The following TRAK2 variants were observed in gnomAD, a reference collection of about 807,000 sequenced individuals.
The protein encoded by TRAK2 is trafficking kinesin-binding protein 2.
TRAK2 carries 81 observed loss-of-function variants against 104.6 expected under a neutral mutation model. That is an observed-to-expected ratio of 0.77 (90% confidence interval 0.65 to 0.93). The LOEUF (loss-of-function observed/expected upper bound fraction) is 0.93. TRAK2 is among the 40% of genes least tolerant of loss of function. TRAK2 has a pLI of 0.00. For missense variants in TRAK2, 1,002 were observed against 1,089.0 expected (o/e 0.92, Z 1.12); for synonymous variants, 406 against 394.4 (o/e 1.03, Z -0.35).
chr2:201,399,538 T>C (rs752885810), intron 4 of TRAK2, 45 bp from the exon 5 acceptor site: 8 of 1,447,552 alleles, frequency 5.5e-6, no homozygotes, highest in Middle Eastern at 1.8e-4. Flanking sequence ...ATAAACAAGG[T>C]TAAATGGCAG....
intron 1 of TRAK2, among the ~76,000 whole-genome samples, chr2:201,436,976 GT>G (rs1951883808): frequency 6.6e-6 from 1 of 152,156 alleles, no homozygotes; most frequent in Non-Finnish European, 1.5e-5. Context: ...TTTTAGTAAT[GT>G]AATTCTACTA....
At chr2:201,427,458 G>T (rs1951799873) in intron 1 of TRAK2, among the ~76,000 whole-genome samples, 1 of 152,104 alleles carries the variant, frequency 6.6e-6, no homozygotes, top group South Asian at 2.1e-4. Flanking sequence ...TGCTCACAAT[G>T]ATGGTTTCCA....
At chr2:201,416,596 T>C (rs1225488563) in intron 2 of TRAK2, among the ~76,000 whole-genome samples, 3 of 152,156 alleles carry the variant, frequency 2.0e-5, no homozygotes, top group Non-Finnish European at 2.9e-5. Context: ...TCATAATTTA[T>C]TTAATTCATA....
At chr2:201,424,031 C>T (rs1207081735) in intron 1 of TRAK2, among the ~76,000 whole-genome samples, 6 of 152,162 alleles carry the variant, frequency 3.9e-5, no homozygotes, top group Non-Finnish European at 7.3e-5. Context: ...CAGGAAAAGT[C>T]CATTGTATGC....
At chr2:201,422,883 G>A (rs1951754288) in intron 1 of TRAK2, among the ~76,000 whole-genome samples, 1 of 152,084 alleles carries the variant, frequency 6.6e-6, no homozygotes, top group African/African-American at 2.4e-5. Context: ...CACTTCTGTG[G>A]TTATTGGCAT....
At position 201,447,700 on chromosome 2, in the gene TRAK2, C is replaced by T. The variant is rs1951974866; in HGVS notation, c.-200+3650G>A. 3.3e-5 allele frequency among the ~76,000 whole-genome samples: 5 copies of T among 152,290 alleles called. No homozygotes were observed. Among genetic ancestry groups the T allele is most frequent in the Middle Eastern group, 3.4e-3 (1 of 294 alleles). On this transcript the variant is annotated intron_variant, in intron 1 of 15. Coordinates refer to ENST00000332624, the MANE Select transcript of TRAK2 (RefSeq NM_015049.3). The surrounding 1 kb of genome is among the most constrained non-coding windows in gnomAD (Gnocchi z 4.1). ...TCATCTGAACTTAATCACCCCAAAGCCCTGTCTCCAAATACAGTCACATTC... is the reference window on the plus strand; with the variant it reads ...TCATCTGAACTTAATCACCCCAAAGTCCTGTCTCCAAATACAGTCACATTC...
chr2:201,385,122 TGAAA>T (rs1255836002), intron 14 of TRAK2, among the ~76,000 whole-genome samples: 1 of 152,198 alleles, frequency 6.6e-6, no homozygotes, highest in Non-Finnish European at 1.5e-5. Context: ...TATCCACCAC[TGAAA>T]GCATGAACAT....
chr2:201,407,182 C>T (rs1951601602), intron 3 of TRAK2, among the ~76,000 whole-genome samples: 1 of 152,182 alleles, frequency 6.6e-6, no homozygotes, highest in African/African-American at 2.4e-5. Flanking sequence ...ACGAAAACGT[C>T]TAAGTATGTT....
Position 201,420,625 on chromosome 2 carries a change from G to C in TRAK2, c.-118C>G. On this transcript the variant is annotated 5_prime_UTR_variant, in exon 2 of 16. Transcript: ENST00000332624. ...TTGGTCACATGGATATTTTCTTTTAGACAGATTTTCTCTGATGAGTCAAAT... is the reference window on the plus strand; with the variant it reads ...TTGGTCACATGGATATTTTCTTTTACACAGATTTTCTCTGATGAGTCAAAT... 1 of 819,764 alleles carries C rather than the reference G, an allele frequency of 1.2e-6. No homozygotes were observed. Among genetic ancestry groups the C allele is most frequent in the South Asian group, 1.6e-5 (1 of 62,632 alleles). 50.8% of individuals were successfully genotyped at this position (819,764 alleles called of 1,614,324 possible). A position where few individuals can be genotyped will look rare whatever the true frequency, so the allele number is the denominator to read the frequency against.
chr2:201,424,219 G>A (rs1330064576), intron 1 of TRAK2, among the ~76,000 whole-genome samples: 1 of 152,182 alleles, frequency 6.6e-6, no homozygotes, highest in East Asian at 1.9e-4. Context: ...AGCAAAATCT[G>A]AACTAGGGCC....
intron 2 of TRAK2, 29 bp from the exon 3 acceptor site, chr2:201,407,626 C>A: frequency 1.3e-6 from 2 of 1,550,388 alleles, no homozygotes; most frequent in South Asian, 1.2e-5. Flanking sequence ...GTAAATGAAT[C>A]CAATATATTT....
At chr2:201,432,791 T>A (rs898120690) in intron 1 of TRAK2, among the ~76,000 whole-genome samples, 2 of 152,216 alleles carry the variant, frequency 1.3e-5, no homozygotes, top group African/African-American at 4.8e-5. Flanking sequence ...CTGCTGGGCG[T>A]AGAGCCTGGG....
Position 201,381,094 on chromosome 2 carries a change from T to G in TRAK2, c.2194A>C (p.Thr732Pro), listed in dbSNP as rs1224589729. Residue 732 changes from threonine to proline, a missense_variant, in exon 16 of 16, where the codon ACT becomes CCT. By Grantham distance (38) the Thr-to-Pro change is conservative. Transcript: ENST00000332624. ...GESITNRRDS[T>P]TTFSSTMSLA... ...CTCATGGTGCTACTGAAGGTTGTAG[T>G]GGAATCTCGTCGGTTGGTGATGGAC... 1.9e-6 allele frequency: 3 copies of G among 1,614,020 alleles called. No individual in the cohort carries two copies. The highest frequency in any genetic ancestry group is 2.5e-6 in the Non-Finnish European group (3 of 1,179,984).
intron 3 of TRAK2, 140 bp from the exon 4 acceptor site, chr2:201,401,234 A>G (rs1951548566): frequency 3.9e-6 from 2 of 513,058 alleles, no homozygotes; most frequent in African/African-American, 2.0e-5. Flanking sequence ...ATATATGTGA[A>G]AAAAAAGAAA....
chr2:201,434,383 T>A (rs570591047), intron 1 of TRAK2, among the ~76,000 whole-genome samples: 10 of 152,260 alleles, frequency 6.6e-5, no homozygotes, highest in African/African-American at 2.4e-4. Flanking sequence ...AAAAATGGGA[T>A]TTGTAATACA....
chr2:201,436,777 A>C (rs1951882470), intron 1 of TRAK2, among the ~76,000 whole-genome samples: 1 of 152,224 alleles, frequency 6.6e-6, no homozygotes, highest in African/African-American at 2.4e-5. Flanking sequence ...TCAGTGTCAA[A>C]AGAAAAACTA....
At chr2:201,411,726 T>C in intron 2 of TRAK2, 4 of 780,842 alleles carry the variant, frequency 5.1e-6, no homozygotes, top group Non-Finnish European at 7.1e-6. Context: ...TGGAATTTGT[T>C]GTAAGAAGGG....
intron 1 of TRAK2, among the ~76,000 whole-genome samples, chr2:201,424,544 G>GCAAATTTGGCCCACAGC (rs1201202996): frequency 6.6e-6 from 1 of 151,606 alleles, no homozygotes; most frequent in Non-Finnish European, 1.5e-5. Context: ...TGCATGGTCA[G>GCAAATTTGGCCCACAGC]CAAATTTGGC....
At chr2:201,443,799 C>A (rs993943730) in intron 1 of TRAK2, among the ~76,000 whole-genome samples, 1 of 152,186 alleles carries the variant, frequency 6.6e-6, no homozygotes, top group Admixed American at 6.5e-5. Context: ...GACTATGAAC[C>A]AACAAACCTC....
Sources: gnomAD v4.1 joint callset for allele counts (sites outside exome capture counted in the v4.1 genomes callset) on GRCh38, gnomAD v4.1.1 for gene constraint, Gnocchi (gnomAD v3.1) non-coding constraint, MANE v1.5 for transcripts, NCBI Gene and HGNC (gene_info 2026-07-23, HGNC 2026-07-21) for gene names.